The following ABHD2 variants were observed in gnomAD, a reference collection of about 807,000 sequenced individuals.
ABHD2 encodes the protein monoacylglycerol lipase ABHD2.
A neutral mutation model predicts 48.1 loss-of-function variants in ABHD2; 20 were observed. The observed-to-expected ratio is 0.42, with a 90% CI of 0.29 to 0.60. The LOEUF is 0.60. Among genes scored for constraint, ABHD2 ranks in the 20% least tolerant of loss-of-function variants. ABHD2 has a pLI of 0.24. For missense variants in ABHD2, 405 were observed against 550.9 expected (o/e 0.74, Z 2.65); for synonymous variants, 209 against 214.2 (o/e 0.98, Z 0.21).
intron 3 of ABHD2, among the ~76,000 whole-genome samples, chr15:89,122,961 G>T (rs1596084769): frequency 6.6e-6 from 1 of 152,230 alleles, no homozygotes; most frequent in African/African-American, 2.4e-5. Context: ...GTCCAGAGAA[G>T]GGAGGCAGTA....
chr15:89,142,438 A>G (rs1287564750), intron 3 of ABHD2, among the ~76,000 whole-genome samples: 2 of 152,164 alleles, frequency 1.3e-5, no homozygotes, highest in Non-Finnish European at 2.9e-5. Flanking sequence ...ATGTTTCTGA[A>G]GTTGCAAAGG....
chr15:89,172,162 C>T (rs947861663), intron 5 of ABHD2, among the ~76,000 whole-genome samples: 1 of 150,872 alleles, frequency 6.6e-6, no homozygotes, highest in African/African-American at 2.5e-5. Flanking sequence ...ATGTACATAA[C>T]AAAATTTCAT....
At chr15:89,139,287 C>A (rs142777868) in intron 3 of ABHD2, among the ~76,000 whole-genome samples, 2 of 152,260 alleles carry the variant, frequency 1.3e-5, no homozygotes, top group East Asian at 3.9e-4. Context: ...TCAGAAATAT[C>A]TCTCCTCTCT....
At chr15:89,051,734 A>T in the ABHD2 span, among the ~76,000 whole-genome samples, 4 of 152,198 alleles carry the variant, frequency 2.6e-5, no homozygotes, top group Admixed American at 2.0e-4. Flanking sequence ...GCCATGTAAG[A>T]CATCCCTTGC....
At chr15:89,071,482 C>T in the ABHD2 span, among the ~76,000 whole-genome samples, 1 of 152,202 alleles carries the variant, frequency 6.6e-6, no homozygotes, top group Non-Finnish European at 1.5e-5. Context: ...GAGTCTCCAG[C>T]AGTGGCAGAC....
In ABHD2 at chr15:89,188,545, T is replaced by C. The variant is rs2283436; in HGVS notation, c.926+242T>C. Among the ~76,000 whole-genome samples the C allele has an allele frequency of 0.096, 14,618 of 152,264 alleles. 750 individuals are homozygous for C. Among genetic ancestry groups the C allele is most frequent in the East Asian group, 0.14 (724 of 5,182 alleles). On this transcript the variant is annotated intron_variant, in intron 8 of 10. Transcript: ENST00000352732. This position sits in a 1 kb window ranked among gnomAD's most constrained non-coding sequence, Gnocchi z 4.1. Reference sequence around the variant, plus strand: ...ACTCATTCTGCATTCCTACAAAGCATAGTTAGCTTGATTCAAGGAGCTGGG... The same window carrying C: ...ACTCATTCTGCATTCCTACAAAGCACAGTTAGCTTGATTCAAGGAGCTGGG...
the ABHD2 span, among the ~76,000 whole-genome samples, chr15:89,082,288 A>G: frequency 1.3e-5 from 2 of 152,244 alleles, no homozygotes; most frequent in Non-Finnish European, 2.9e-5. This position sits in a 1 kb window ranked among gnomAD's most constrained non-coding sequence, Gnocchi z 4.4. Context: ...TGTGGTTTGC[A>G]GATGCCTGGA....
the ABHD2 span, among the ~76,000 whole-genome samples, chr15:89,057,615 G>T: frequency 1.3e-5 from 2 of 152,146 alleles, no homozygotes; most frequent in African/African-American, 4.8e-5. Context: ...CGTGCCTGGT[G>T]CATGGGCTCC....
At position 89,126,262 on chromosome 15, in the gene ABHD2, T is replaced by A. The variant is rs75640542; in HGVS notation, c.194+9741T>A. ...GGTCCTGTTTTGAGTCACCCCTCTGTGTCACCCCTTCCCAGACTCGATTTC... is the reference window on the plus strand; with the variant it reads ...GGTCCTGTTTTGAGTCACCCCTCTGAGTCACCCCTTCCCAGACTCGATTTC... On this transcript the variant is annotated intron_variant, in intron 3 of 10. Coordinates refer to ENST00000352732, the MANE Select transcript of ABHD2 (RefSeq NM_152924.5). Among the ~76,000 whole-genome samples the A allele has an allele frequency of 6.1e-3, 930 of 152,340 alleles. 4 individuals are homozygous for A. The highest frequency in any genetic ancestry group is 0.015 in the East Asian group (78 of 5,186).
At chr15:89,180,699 C>T (rs1406151471) in intron 6 of ABHD2, among the ~76,000 whole-genome samples, 1 of 152,154 alleles carries the variant, frequency 6.6e-6, no homozygotes, top group Non-Finnish European at 1.5e-5. Flanking sequence ...CTGTCTTGGG[C>T]TTGGCCAGCC....
chr15:89,099,999 A>G (rs1398329195), intron 1 of ABHD2, among the ~76,000 whole-genome samples: 1 of 152,302 alleles, frequency 6.6e-6, no homozygotes, highest in East Asian at 1.9e-4. Context: ...GAGAGTCTTT[A>G]CCCTAACTTA....
intron 3 of ABHD2, chr15:89,135,548 C>T: frequency 7.0e-7 from 1 of 1,420,688 alleles, no homozygotes; most frequent in Non-Finnish European, 9.8e-7. Flanking sequence ...CCAACTTATT[C>T]ATCATCATCT....
In ABHD2 at chr15:89,091,978, G is replaced by A. The variant is rs1901613910; in HGVS notation, c.-107+3415G>A. ...TTTCATGGTTCAGCCTTTTTGGCCAGTGCATGAGTAGGACATTTTTAAGCC... is the reference window on the plus strand; with the variant it reads ...TTTCATGGTTCAGCCTTTTTGGCCAATGCATGAGTAGGACATTTTTAAGCC... On this transcript the variant is annotated intron_variant, in intron 1 of 10. Coordinates refer to ENST00000352732, the MANE Select transcript of ABHD2 (RefSeq NM_152924.5). This position sits in a 1 kb window ranked among gnomAD's most constrained non-coding sequence, Gnocchi z 5.5. 6.6e-6 allele frequency among the ~76,000 whole-genome samples: 1 copy of A among 152,182 alleles called. No homozygotes were observed. Among genetic ancestry groups the A allele is most frequent in the African/African-American group, 2.4e-5 (1 of 41,446 alleles).
chr15:89,163,358 G>A (rs575585050), intron 5 of ABHD2, among the ~76,000 whole-genome samples: 1 of 152,206 alleles, frequency 6.6e-6, no homozygotes, highest in East Asian at 1.9e-4. Context: ...AGAACCCTTC[G>A]TGCTGCCTTT....
Position 89,116,205 on chromosome 15 carries a change from G to A in ABHD2, c.-6-117G>A. 2.1e-6 allele frequency: 2 copies of A among 970,886 alleles called. No individual in the cohort carries two copies. The highest frequency in any genetic ancestry group is 2.5e-5 in the East Asian group (1 of 40,676). 60.1% of individuals were successfully genotyped at this position (970,886 alleles called of 1,614,324 possible). On this transcript the variant is annotated intron_variant, in intron 2 of 10. Coordinates refer to ENST00000352732, the MANE Select transcript of ABHD2 (RefSeq NM_152924.5). The surrounding 1 kb of genome is among the most constrained non-coding windows in gnomAD (Gnocchi z 4.6). ...CTGTCAGGAGCCTGCGGAAACATCT[G>A]AATTGTGACACACCGTCACTGGCAG...
rs1265885686 is a variant in ABHD2, at chr15:89,175,952, G to A, written c.679G>A (p.Val227Ile). 6.2e-7 allele frequency: 1 copy of A among 1,613,532 alleles called. No homozygotes were observed. The highest frequency in any genetic ancestry group is 8.5e-7 in the Non-Finnish European group (1 of 1,179,730). Residue 227 changes from valine to isoleucine, a missense_variant, in exon 6 of 11, where the codon GTC becomes ATC. Coordinates refer to ENST00000352732, the MANE Select transcript of ABHD2 (RefSeq NM_152924.5). This position sits in a 1 kb window ranked among gnomAD's most constrained non-coding sequence, Gnocchi z 5.7. ...LGETQANQEK[V>I]LCCVSVCQGY... ...GGAGACTCAGGCAAACCAAGAGAAG[G>A]TCCTGTGCTGCGTCAGCGTGTGCCA... is the stretch of plus-strand genomic sequence containing the variant.
chr15:89,110,886 A>G (rs931468888), intron 1 of ABHD2, among the ~76,000 whole-genome samples: 1 of 152,252 alleles, frequency 6.6e-6, no homozygotes, highest in Admixed American at 6.5e-5. Flanking sequence ...TGTCTGTCAC[A>G]TCACTCAAGG....
rs1014842926 is a variant in ABHD2, at chr15:89,175,530, A to G, written c.539-282A>G. The stretch of plus-strand genomic sequence containing the variant: ...CGGTTCTTGTGACCTACCTTTTAAG[A>G]AGCATTGTACATTTGATACATGGTA... On this transcript the variant is annotated intron_variant, in intron 5 of 10. Transcript: ENST00000352732. The surrounding 1 kb of genome is among the most constrained non-coding windows in gnomAD (Gnocchi z 5.7). Among the ~76,000 whole-genome samples, 1 of 152,106 alleles carries G rather than the reference A, an allele frequency of 6.6e-6. No homozygotes were observed. Among genetic ancestry groups the G allele is most frequent in the African/African-American group, 2.4e-5 (1 of 41,416 alleles).
At chr15:89,110,754 A>C (rs1330338010) in intron 1 of ABHD2, among the ~76,000 whole-genome samples, 1 of 152,134 alleles carries the variant, frequency 6.6e-6, no homozygotes. Flanking sequence ...AATAATTATA[A>C]ATCTCTCATA....
Sources: allele counts gnomAD v4.1 joint callset (sites outside exome capture counted in the v4.1 genomes callset), GRCh38; gene constraint gnomAD v4.1.1; non-coding constraint Gnocchi (gnomAD v3.1); transcripts MANE v1.5; gene names NCBI Gene and HGNC (gene_info 2026-07-23, HGNC 2026-07-21).